The following PTPRB variants were observed in gnomAD, a reference collection of about 807,000 sequenced individuals.
PTPRB encodes protein tyrosine phosphatase receptor type B, also known as receptor-type tyrosine-protein phosphatase beta.
Under a neutral mutation model 238.1 loss-of-function variants are expected in PTPRB, and 97 were observed. The ratio of observed to expected loss-of-function variants is 0.41; its 90% CI spans 0.35 to 0.48. PTPRB has a LOEUF of 0.48. Among genes scored for constraint, PTPRB ranks in the 20% least tolerant of loss-of-function variants. PTPRB has a pLI of 0.30. For synonymous variants in PTPRB, 970 were observed against 995.4 expected, an observed-to-expected ratio of 0.97 and a Z score of 0.48; for missense variants, 2,292 against 2,681.9, an observed-to-expected ratio of 0.85 and a Z score of 3.21.
At chr12:70,629,780 C>A (rs1394339994) in intron 2 of PTPRB, among the ~76,000 whole-genome samples, 1 of 152,140 alleles carries the variant, frequency 6.6e-6, no homozygotes, top group African/African-American at 2.4e-5. Context: ...ACCGATCCCA[C>A]AGAAATACAA....
At position 70,564,843 on chromosome 12, in the gene PTPRB, AAATAATAATAATAATAAT is replaced by A. The variant is rs138995596; in HGVS notation, c.3904+1574_3904+1591del. On this transcript the variant is annotated intron_variant, in intron 15 of 33. Coordinates refer to ENST00000334414, the MANE Select transcript of PTPRB (RefSeq NM_001109754.4). The stretch of plus-strand genomic sequence containing the variant: ...GCGAGGTTCTGTCTCCAAAAATAAT[AAATAATAATAATAATAAT>A]AATAATAATAATAATAATAATAATA... Among the ~76,000 whole-genome samples the A allele has an allele frequency of 9.5e-4, 92 of 96,516 alleles. 1 individual carries two copies. Among genetic ancestry groups the A allele is most frequent in the South Asian group, 7.4e-3 (22 of 2,976 alleles). 63.3% of individuals were successfully genotyped at this position (96,516 alleles called of 152,430 possible).
At chr12:70,546,475 C>A (rs576644224) in intron 21 of PTPRB, among the ~76,000 whole-genome samples, 4 of 152,146 alleles carry the variant, frequency 2.6e-5, no homozygotes, top group Admixed American at 6.6e-5. Flanking sequence ...GAGCTGCACT[C>A]AATTTCTGGG....
chr12:70,635,442 A>T (rs1272270132), intron 2 of PTPRB, among the ~76,000 whole-genome samples: 1 of 152,212 alleles, frequency 6.6e-6, no homozygotes, highest in Admixed American at 6.5e-5. Context: ...GAAGGGAAGG[A>T]AGAAAAAGCA....
chr12:70,559,466 T>A lies in PTPRB; in HGVS notation c.4591A>T (p.Lys1531Ter). ...LTVFNPYNNR[K>*]SEGRIVYGLR... ...CCATACACAATGCGTCCTTCTGATT[T>A]TCTGTTGTTGTAGGGGTTGAAGACA... Residue 1531 changes from lysine (K) to a stop codon, truncating the protein, a stop_gained, in exon 18 of 34, where the codon AAA becomes TAA. Coordinates refer to ENST00000334414, the MANE Select transcript of PTPRB (RefSeq NM_001109754.4). LOFTEE classifies it high-confidence loss of function. The A allele has an allele frequency of 6.2e-7, 1 of 1,613,996 alleles. No homozygotes were observed. The highest frequency in any genetic ancestry group is 8.5e-7 in the Non-Finnish European group (1 of 1,179,888).
chr12:70,590,587 GTTCTT>G (rs1882385555), intron 7 of PTPRB, among the ~76,000 whole-genome samples: 1 of 113,384 alleles, frequency 8.8e-6, no homozygotes, highest in African/African-American at 3.4e-5. Context: ...GCAAGATTAA[GTTCTT>G]TTTTTTTTTT....
rs553579245 is a variant in PTPRB at position 70,590,367 on chromosome 12, C to G, written c.1781-134G>C. ...AAACATTTCTATCCCCTCTTGATGT[C>G]TGTGGATTGCAAATGAGTGTTCTTT... On this transcript the variant is annotated intron_variant, in intron 7 of 33. Coordinates refer to ENST00000334414, the MANE Select transcript of PTPRB (RefSeq NM_001109754.4). 20 of 861,154 alleles carry G rather than the reference C, an allele frequency of 2.3e-5. No homozygotes were observed. The East Asian group carries it at 5.3e-4, about 23-fold the overall frequency. The allele number at this position is 861,154 out of a possible 1,614,324, so 53.3% of individuals were successfully genotyped here.
In PTPRB at chr12:70,552,825, G is replaced by T; in HGVS notation, c.5339C>A (p.Thr1780Asn). The change falls in exon 21 of 34, where the codon ACT becomes AAT. Residue 1780 changes from threonine (T) to asparagine (N), a missense_variant. This residue lies in a region of PTPRB where 683 missense variants were observed against 862.0 expected (regional missense o/e 0.79). Coordinates refer to ENST00000334414, the MANE Select transcript of PTPRB (RefSeq NM_001109754.4). ...MESLGGKCDPTQQKFCDGPLK... is the reference protein window; with the variant it reads ...MESLGGKCDPNQQKFCDGPLK... Reference sequence around the variant, plus strand: ...TGGTCCATCACAGAATTTTTGCTGAGTGGGATCGCATTTTCCACCTAGGCT... The same window carrying T: ...TGGTCCATCACAGAATTTTTGCTGATTGGGATCGCATTTTCCACCTAGGCT... 1 of 1,613,994 alleles carries T rather than the reference G, an allele frequency of 6.2e-7. No homozygotes were observed. The highest frequency in any genetic ancestry group is 8.5e-7 in the Non-Finnish European group (1 of 1,179,882).
In PTPRB at chr12:70,590,004, A is replaced by C. The variant is rs724159869; in HGVS notation, c.2010T>G (p.Ser670Arg). The C allele has an allele frequency of 5.6e-6, 9 of 1,613,616 alleles. No individual in the cohort carries two copies. The highest frequency in any genetic ancestry group is 3.3e-5 in the Admixed American group (2 of 59,970). The change falls in exon 8 of 34, where the codon AGT (serine) becomes AGG (arginine). Residue 670 changes from serine (S) to arginine (R), a missense_variant. Coordinates refer to ENST00000334414, the MANE Select transcript of PTPRB (RefSeq NM_001109754.4). ...RQYEVEVIVE[S>R]GNLKNSERCQ... The stretch of plus-strand genomic sequence containing the variant: ...AACGCTCAGAATTCTTCAAATTTCC[A>C]CTCTCAACAATGACTTCCACCTCAT...
In PTPRB at chr12:70,516,134, C is replaced by G. The variant is rs537903219; in HGVS notation, c.*5355G>C. 2.5e-4 allele frequency: 38 copies of G among 152,106 alleles called. No homozygotes were observed. Among genetic ancestry groups the G allele is most frequent in the African/African-American group, 7.7e-4 (32 of 41,502 alleles). The allele number at this position is 152,106 out of a possible 1,614,324, so 9.4% of individuals were successfully genotyped here. A position where few individuals can be genotyped will look rare whatever the true frequency, so the allele number is the denominator to read the frequency against. Reference sequence around the variant, plus strand: ...ATGATATTAAAAACATAAAAGTGCTCTATTATAGAACATAAAAAGTTCAGT... The same window carrying G: ...ATGATATTAAAAACATAAAAGTGCTGTATTATAGAACATAAAAAGTTCAGT... On this transcript the variant is annotated 3_prime_UTR_variant, in exon 34 of 34. Transcript: ENST00000334414.
intron 3 of PTPRB, among the ~76,000 whole-genome samples, chr12:70,613,347 C>T (rs150474781): frequency 1.1e-4 from 17 of 152,116 alleles, no homozygotes; most frequent in Middle Eastern, 6.8e-3. Flanking sequence ...TTTCATTCAG[C>T]GAACACTGAC....
At chr12:70,590,437 T>C (rs564234919) in intron 7 of PTPRB, among the ~76,000 whole-genome samples, 1 of 152,240 alleles carries the variant, frequency 6.6e-6, no homozygotes, top group East Asian at 1.9e-4. Flanking sequence ...CTAAAATCAT[T>C]TTAGTGATAT....
At chr12:70,525,544 C>T (rs959421662) in intron 32 of PTPRB, 3 of 152,062 alleles carry the variant, frequency 2.0e-5, no homozygotes, top group Admixed American at 2.0e-4. Context: ...ACAGACCCAT[C>T]TGTTGGCTAT....
chr12:70,607,237 G>A (rs1884020916), intron 4 of PTPRB, among the ~76,000 whole-genome samples: 1 of 152,142 alleles, frequency 6.6e-6, no homozygotes, highest in South Asian at 2.1e-4. Flanking sequence ...CTTCTTAAAG[G>A]TCTTAATCTT....
At chr12:70,529,883 C>T (rs1450282353) in intron 32 of PTPRB, among the ~76,000 whole-genome samples, 2 of 151,992 alleles carry the variant, frequency 1.3e-5, no homozygotes, top group Non-Finnish European at 2.9e-5. Flanking sequence ...CCCTCAGCAC[C>T]ACCCATGAAG....
At position 70,547,625 on chromosome 12, in the gene PTPRB, GC is replaced by G. The variant is rs1232009733; in HGVS notation, c.5388-2963del. 5.5e-5 allele frequency among the ~76,000 whole-genome samples: 8 copies of G among 145,632 alleles called. 1 individual carries two copies. In the Middle Eastern group the frequency reaches 0.014, roughly 255 times the overall value. On this transcript the variant is annotated intron_variant, in intron 21 of 33. Transcript: ENST00000334414. ...AAGCTCAAGTGATCCTCCAACCCCA[GC>G]CTCCTGAGTAGCTGGGATTACAAGT...
chr12:70,530,061 CAAAT>C (rs1310014795), intron 32 of PTPRB, among the ~76,000 whole-genome samples: 1 of 152,018 alleles, frequency 6.6e-6, no homozygotes, highest in Non-Finnish European at 1.5e-5. Context: ...GCTTCTTTAA[CAAAT>C]AAATATCATG....
At chr12:70,524,913 GTATGTA>G (rs1465474936) in intron 32 of PTPRB, among the ~76,000 whole-genome samples, 12 of 147,590 alleles carry the variant, frequency 8.1e-5, no homozygotes, top group African/African-American at 1.8e-4. Flanking sequence ...GTGTATATAT[GTATGTA>G]TATATGTGTG....
intron 29 of PTPRB, 83 bp downstream of exon 29, chr12:70,535,942 G>A (rs1874060065): frequency 8.4e-6 from 13 of 1,549,048 alleles, no homozygotes; most frequent in African/African-American, 2.7e-5. Flanking sequence ...GTTGTTTTGC[G>A]GGGTTTCACT....
intron 16 of PTPRB, 109 bp downstream of exon 16, chr12:70,562,735 T>C: frequency 7.4e-7 from 1 of 1,348,342 alleles, no homozygotes. Context: ...AAATGCCATA[T>C]AAAGCTACAT....
Sources: gnomAD v4.1 joint callset for allele counts (sites outside exome capture counted in the v4.1 genomes callset) on GRCh38, gnomAD v4.1.1 for gene constraint, gnomAD v4.1.1 regional missense constraint, MANE v1.5 for transcripts, NCBI Gene and HGNC (gene_info 2026-07-23, HGNC 2026-07-21) for gene names.